The following CNTN5 variants were observed in gnomAD, a reference collection of about 807,000 sequenced individuals.
The protein encoded by CNTN5 is contactin 5.
CNTN5 carries 77 observed loss-of-function variants against 129.1 expected under a neutral mutation model. The observed-to-expected ratio is 0.60, with a 90% CI of 0.50 to 0.72. The LOEUF (loss-of-function observed/expected upper bound fraction) is 0.72, where lower values mean the gene tolerates loss of function less well. Among genes scored for constraint, CNTN5 ranks in the 30% least tolerant of loss-of-function variants. CNTN5 has a pLI of 0.00. For missense variants in CNTN5, 1,478 were observed against 1,328.8 expected (o/e 1.11, Z -1.75); for synonymous variants, 509 against 465.6 (o/e 1.09, Z -1.20).
At chr11:99,542,149 T>A (rs1387822233) in intron 2 of CNTN5, among the ~76,000 whole-genome samples, 1 of 152,092 alleles carries the variant, frequency 6.6e-6, no homozygotes, top group South Asian at 2.1e-4. Context: ...AATTAACATA[T>A]CTATCACCTC....
chr11:99,502,028 GC>G (rs1319730251), intron 2 of CNTN5, among the ~76,000 whole-genome samples: 1 of 152,162 alleles, frequency 6.6e-6, no homozygotes, highest in African/African-American at 2.4e-5. Context: ...AATTGCCCCT[GC>G]ATAGGTTAAT....
intron 2 of CNTN5, among the ~76,000 whole-genome samples, chr11:99,541,043 T>A (rs10790789): frequency 1.1e-4 from 16 of 152,054 alleles, no homozygotes; most frequent in East Asian, 1.9e-4. Flanking sequence ...CTCCCTGCCC[T>A]CTTAAATCTT....
intron 9 of CNTN5, among the ~76,000 whole-genome samples, chr11:100,040,759 G>A (rs536910928): frequency 3.3e-5 from 5 of 152,056 alleles, no homozygotes; most frequent in South Asian, 4.2e-4. Flanking sequence ...CTCTGTGGGC[G>A]TAGGACCCTC....
chr11:99,238,197 A>G (rs1448874763), intron 1 of CNTN5, among the ~76,000 whole-genome samples: 3 of 152,190 alleles, frequency 2.0e-5, no homozygotes, highest in Admixed American at 2.0e-4. Flanking sequence ...TGGGGTTAAT[A>G]AAAAGGAACA....
chr11:100,052,561 A>G (rs994300462), intron 9 of CNTN5, among the ~76,000 whole-genome samples: 6 of 151,826 alleles, frequency 4.0e-5, no homozygotes, highest in Non-Finnish European at 7.4e-5. Flanking sequence ...GAAATAAAAG[A>G]ATACCAAAAT....
At chr11:99,321,295 C>T (rs1865559664) in intron 1 of CNTN5, among the ~76,000 whole-genome samples, 1 of 151,088 alleles carries the variant, frequency 6.6e-6, no homozygotes, top group South Asian at 2.1e-4. Flanking sequence ...CTCTGGAGAA[C>T]ACTGACTAAT....
Position 99,828,381 on chromosome 11 carries a change from T to C in CNTN5, c.277+8616T>C, listed in dbSNP as rs547164059. 3.3e-5 allele frequency among the ~76,000 whole-genome samples: 5 copies of C among 152,298 alleles called. No homozygotes were observed. In the East Asian group the frequency reaches 7.7e-4, roughly 24 times the overall value. ...CAATTCTGGAGGCAGAGAAGTCTGA[T>C]ACAAAGTGCTAGAATCTGGTGGGGA... On this transcript the variant is annotated intron_variant, in intron 4 of 24. Coordinates refer to ENST00000524871, the MANE Select transcript of CNTN5 (RefSeq NM_014361.4).
intron 1 of CNTN5, among the ~76,000 whole-genome samples, chr11:99,024,689 C>T (rs897216423): frequency 2.0e-5 from 3 of 151,938 alleles, no homozygotes; most frequent in Admixed American, 6.6e-5. Flanking sequence ...CAAAGCTATT[C>T]AAAGTATGGT....
rs150954442 is a variant in CNTN5, at chr11:99,672,668, C to T, written c.55+116399C>T. Among the ~76,000 whole-genome samples, 947 of 150,378 alleles carry T rather than the reference C, an allele frequency of 6.3e-3. 10 individuals carry two copies. Among genetic ancestry groups the T allele is most frequent in the African/African-American group, 0.021 (870 of 40,838 alleles). Reference sequence around the variant, plus strand: ...TCACCTGCCTCTGTGTCAACTCTCTCCAATTTTCTCTCTCTCTTTCCAGTA... The same window carrying T: ...TCACCTGCCTCTGTGTCAACTCTCTTCAATTTTCTCTCTCTCTTTCCAGTA... On this transcript the variant is annotated intron_variant, in intron 3 of 24. Coordinates refer to ENST00000524871, the MANE Select transcript of CNTN5 (RefSeq NM_014361.4).
At chr11:99,830,553 A>C (rs1947106962) in intron 4 of CNTN5, among the ~76,000 whole-genome samples, 1 of 152,158 alleles carries the variant, frequency 6.6e-6, no homozygotes, top group Admixed American at 6.6e-5. Context: ...CAAGCACAAA[A>C]TGTGATCTTT....
intron 1 of CNTN5, among the ~76,000 whole-genome samples, chr11:99,288,186 T>C (rs1008664538): frequency 6.6e-6 from 1 of 152,068 alleles, no homozygotes; most frequent in African/African-American, 2.4e-5. Context: ...TTGTGGAATA[T>C]ATGAAAGCAA....
At chr11:100,036,009 T>C (rs1456552384) in intron 9 of CNTN5, among the ~76,000 whole-genome samples, 1 of 152,212 alleles carries the variant, frequency 6.6e-6, no homozygotes, top group Non-Finnish European at 1.5e-5. Context: ...TTGGTGCCGT[T>C]GCTTTTGGTG....
chr11:99,628,651 C>CACACAG (rs1555053387), intron 3 of CNTN5, among the ~76,000 whole-genome samples: 1 of 138,434 alleles, frequency 7.2e-6, no homozygotes, highest in Non-Finnish European at 1.6e-5. Flanking sequence ...CACACACACA[C>CACACAG]AGAAAGAGAT....
chr11:99,473,569 G>A (rs550478382), intron 2 of CNTN5, among the ~76,000 whole-genome samples: 12 of 150,878 alleles, frequency 8.0e-5, no homozygotes, highest in South Asian at 2.1e-4. Flanking sequence ...TTTTTCCTGC[G>A]AACACTTACA....
chr11:99,475,100 T>A (rs1945321438), intron 2 of CNTN5, among the ~76,000 whole-genome samples: 1 of 151,232 alleles, frequency 6.6e-6, no homozygotes, highest in South Asian at 2.1e-4. Context: ...TCCACCCTCA[T>A]GAATGTGGGA....
At chr11:99,258,286 G>A (rs1033968944) in intron 1 of CNTN5, among the ~76,000 whole-genome samples, 9 of 151,758 alleles carry the variant, frequency 5.9e-5, no homozygotes, top group African/African-American at 2.2e-4. Context: ...TATTTTTCCT[G>A]ATCCTCACCC....
At chr11:99,960,117 C>G (rs531414147) in intron 8 of CNTN5, among the ~76,000 whole-genome samples, 6 of 152,252 alleles carry the variant, frequency 3.9e-5, no homozygotes, top group African/African-American at 1.4e-4. Context: ...ATCTGCACGT[C>G]TTGGTTACTC....
chr11:100,280,135 T>C (rs1283402831), intron 18 of CNTN5, among the ~76,000 whole-genome samples: 2 of 151,882 alleles, frequency 1.3e-5, no homozygotes, highest in Non-Finnish European at 2.9e-5. Flanking sequence ...ACCTATGTGC[T>C]GAGGAAAAGA....
At chr11:100,008,528 G>A (rs1252793337) in intron 9 of CNTN5, among the ~76,000 whole-genome samples, 1 of 152,020 alleles carries the variant, frequency 6.6e-6, no homozygotes, top group Non-Finnish European at 1.5e-5. Flanking sequence ...ATGTTCTAGG[G>A]ACTGTCATAT....
Sources: gnomAD v4.1 joint callset for allele counts (sites outside exome capture counted in the v4.1 genomes callset) on GRCh38, gnomAD v4.1.1 for gene constraint, MANE v1.5 for transcripts, NCBI Gene and HGNC (gene_info 2026-07-23, HGNC 2026-07-21) for gene names.